Variants in STXBP4 observed in about 807,000 individuals in gnomAD.
STXBP4 encodes the protein syntaxin-binding protein 4.
Under a neutral mutation model 76.1 loss-of-function variants are expected in STXBP4, and 55 were observed. The observed-to-expected ratio is 0.72, with a 90% CI of 0.58 to 0.91. The LOEUF (loss-of-function observed/expected upper bound fraction) is 0.91, where lower values mean the gene tolerates loss of function less well. STXBP4 is among the 40% of genes least tolerant of loss of function. The pLI is 0.00. For missense variants in STXBP4, 618 were observed against 636.9 expected (o/e 0.97, Z 0.32); for synonymous variants, 201 against 220.2 (o/e 0.91, Z 0.77).
chr17:55,144,338 C>CA (rs2080127810), intron 17 of STXBP4, among the ~76,000 whole-genome samples: 1 of 152,086 alleles, frequency 6.6e-6, no homozygotes. Flanking sequence ...TAACCCTATT[C>CA]AAGCACCAAG....
At chr17:55,059,132 A>G (rs891929332) in intron 12 of STXBP4, among the ~76,000 whole-genome samples, 2 of 152,046 alleles carry the variant, frequency 1.3e-5, no homozygotes, top group African/African-American at 2.4e-5. Context: ...TTTATGGACA[A>G]ATTTTTACTA....
intron 16 of STXBP4, among the ~76,000 whole-genome samples, chr17:55,124,023 A>G (rs1253683452): frequency 6.6e-6 from 1 of 152,236 alleles, no homozygotes; most frequent in African/African-American, 2.4e-5. Context: ...ATTGGTTGCT[A>G]TAAATCTAGG....
At position 55,081,150 on chromosome 17, in the gene STXBP4, G is replaced by T. The variant is rs775295632; in HGVS notation, c.1456G>T (p.Val486Phe). ...GCTGGCGCTTGAATCTAAGGAACTTGTTAAATCTGTTCGTGCCTTACTTGA... is the reference window on the plus strand; with the variant it reads ...GCTGGCGCTTGAATCTAAGGAACTTTTTAAATCTGTTCGTGCCTTACTTGA... ...ATLALESKEL[V>F]KSVRALLDMD... Residue 486 changes from valine (V) to phenylalanine (F), a missense_variant, in exon 16 of 18, where the codon GTT becomes TTT. By Grantham distance (50) the Val-to-Phe change is conservative. Transcript: ENST00000376352. 6.5e-7 allele frequency: 1 copy of T among 1,538,872 alleles called. No individual in the cohort carries two copies. Among genetic ancestry groups the T allele is most frequent in the South Asian group, 1.3e-5 (1 of 79,434 alleles).
At chr17:55,133,575 T>A (rs905107121) in intron 16 of STXBP4, among the ~76,000 whole-genome samples, 5 of 151,228 alleles carry the variant, frequency 3.3e-5, no homozygotes, top group Non-Finnish European at 7.4e-5. Context: ...CACAGAGGAG[T>A]TGAAGAACCA....
chr17:55,045,221 T>A (rs993034010), intron 11 of STXBP4, among the ~76,000 whole-genome samples: 2 of 152,122 alleles, frequency 1.3e-5, no homozygotes, highest in African/African-American at 4.8e-5. Context: ...ATAAGAGTAT[T>A]TTATATATTT....
chr17:55,032,956 C>T (rs998192456), intron 9 of STXBP4, among the ~76,000 whole-genome samples: 1 of 152,100 alleles, frequency 6.6e-6, no homozygotes, highest in African/African-American at 2.4e-5. Context: ...TAAATATGAA[C>T]TCATAGTCAA....
At chr17:54,992,519 C>CA (rs915637765) in intron 4 of STXBP4, among the ~76,000 whole-genome samples, 2 of 150,046 alleles carry the variant, frequency 1.3e-5, no homozygotes, top group Non-Finnish European at 3.0e-5. Flanking sequence ...TAAACAAATT[C>CA]AAAAAAACAA....
At chr17:55,007,440 T>TCC in intron 7 of STXBP4, 66 bp from the exon 8 acceptor site, 1 of 1,098,006 alleles carries the variant, frequency 9.1e-7, no homozygotes, top group Non-Finnish European at 1.4e-6. Context: ...TCAGAACATA[T>TCC]CCTGTCAAAT....
rs555632831 is a variant in STXBP4, at chr17:55,078,016, T to C, written c.1189-62T>C. 8.2e-6 allele frequency: 8 copies of C among 980,834 alleles called. No homozygotes were observed. The Admixed American group carries it at 1.5e-4, about 19-fold the overall frequency. The allele number at this position is 980,834 out of a possible 1,614,324, so 60.8% of individuals were successfully genotyped here. ...AATATTAGTTCATAAAAACTGAAAA[T>C]AGGGACCAGTAATGTAAAACTGAAG... On this transcript the variant is annotated intron_variant, in intron 13 of 17. Coordinates refer to ENST00000376352, the MANE Select transcript of STXBP4 (RefSeq NM_178509.6).
the STXBP4 span, among the ~76,000 whole-genome samples, chr17:55,205,339 G>T: frequency 4.6e-5 from 7 of 152,008 alleles, no homozygotes; most frequent in African/African-American, 1.7e-4. Context: ...TAAAATGAAT[G>T]TCAGATGAAT....
At chr17:55,006,405 A>G (rs2078008607) in intron 7 of STXBP4, among the ~76,000 whole-genome samples, 1 of 152,254 alleles carries the variant, frequency 6.6e-6, no homozygotes, top group African/African-American at 2.4e-5. Context: ...TTTTCCAAAG[A>G]TTTTTCTTCT....
intron 16 of STXBP4, among the ~76,000 whole-genome samples, chr17:55,099,745 A>T (rs1023309930): frequency 6.6e-6 from 1 of 152,222 alleles, no homozygotes; most frequent in Non-Finnish European, 1.5e-5. Context: ...AGCTTTGCTA[A>T]TGTCCTTTAG....
At chr17:54,971,441 C>G (rs934476951) in intron 1 of STXBP4, among the ~76,000 whole-genome samples, 1 of 152,176 alleles carries the variant, frequency 6.6e-6, no homozygotes, top group Non-Finnish European at 1.5e-5. Context: ...TGTGGCCTTA[C>G]ATAGATTGGA....
At chr17:55,155,004 C>A (rs1341175774) in intron 17 of STXBP4, among the ~76,000 whole-genome samples, 1 of 152,108 alleles carries the variant, frequency 6.6e-6, no homozygotes, top group Non-Finnish European at 1.5e-5. Context: ...CAGAGCCTCA[C>A]TGGATTTCCA....
chr17:55,134,549 TGG>T (rs1567777123), intron 16 of STXBP4, among the ~76,000 whole-genome samples: 1 of 152,028 alleles, frequency 6.6e-6, no homozygotes, highest in African/African-American at 2.4e-5. Context: ...ATGTATGGGG[TGG>T]GGAGCCCTTT....
intron 8 of STXBP4, among the ~76,000 whole-genome samples, chr17:55,028,533 G>C (rs530505329): frequency 6.6e-6 from 1 of 152,090 alleles, no homozygotes; most frequent in South Asian, 2.1e-4. Flanking sequence ...TCAGAGCAGT[G>C]GTTCTCAAGG....
intron 16 of STXBP4, among the ~76,000 whole-genome samples, chr17:55,089,593 T>TCC (rs1186809364): frequency 6.6e-6 from 1 of 152,236 alleles, no homozygotes; most frequent in Non-Finnish European, 1.5e-5. Flanking sequence ...TCTATTGATC[T>TCC]CCTTATATTT....
chr17:54,994,184 C>T (rs2077761750), intron 4 of STXBP4, among the ~76,000 whole-genome samples: 1 of 152,152 alleles, frequency 6.6e-6, no homozygotes, highest in Non-Finnish European at 1.5e-5. Flanking sequence ...AATAAGAGAG[C>T]TCCAAGGCCC....
intron 12 of STXBP4, among the ~76,000 whole-genome samples, chr17:55,055,361 A>C (rs886343636): frequency 6.6e-6 from 1 of 152,170 alleles, no homozygotes; most frequent in Non-Finnish European, 1.5e-5. Context: ...TCTTTCTTTC[A>C]TACTCCATAA....
Sources: allele counts gnomAD v4.1 joint callset (sites outside exome capture counted in the v4.1 genomes callset), GRCh38; gene constraint gnomAD v4.1.1; transcripts MANE v1.5; gene names NCBI Gene and HGNC (gene_info 2026-07-23, HGNC 2026-07-21).